The following PTPRD variants were observed in gnomAD, a reference collection of about 807,000 sequenced individuals.
PTPRD encodes the protein protein tyrosine phosphatase receptor type D, also known as receptor-type tyrosine-protein phosphatase delta.
In PTPRD, 34 loss-of-function variants were observed where a neutral mutation model predicts 214.5. That is an observed-to-expected ratio of 0.16 (90% confidence interval 0.12 to 0.21). The LOEUF is 0.21. Ranked by LOEUF, PTPRD falls within the 10% of genes least tolerant of loss-of-function variation. The probability of loss-of-function intolerance (pLI) is 1.00; values close to 1 mark genes in which losing one functional copy is unlikely to be tolerated. For missense variants in PTPRD, 2,545 were observed against 2,398.7 expected, an observed-to-expected ratio of 1.06 and a Z score of -1.27; for synonymous variants, 1,128 against 845.7, an observed-to-expected ratio of 1.33 and a Z score of -5.79.
chr9:9,552,158 C>G (rs892749688), intron 8 of PTPRD, among the ~76,000 whole-genome samples: 1 of 151,926 alleles, frequency 6.6e-6, no homozygotes, highest in South Asian at 2.1e-4. Context: ...AATAAAGAAA[C>G]AAAGGCTCAG....
intron 3 of PTPRD, among the ~76,000 whole-genome samples, chr9:10,215,149 TGAAACAG>T (rs2099535571): frequency 6.6e-6 from 1 of 151,836 alleles, no homozygotes; most frequent in Non-Finnish European, 1.5e-5. Flanking sequence ...ACAAAAATTA[TGAAACAG>T]ATGAGAAAAT....
chr9:9,281,169 T>C (rs62535763), intron 9 of PTPRD, among the ~76,000 whole-genome samples: 19,850 of 151,048 alleles, frequency 0.13, 1,659 homozygotes, highest in Middle Eastern at 0.21. Flanking sequence ...GAAAATAACA[T>C]AGGAGAAAAT....
chr9:9,208,805 A>G (rs927813475), intron 9 of PTPRD, among the ~76,000 whole-genome samples: 3 of 151,798 alleles, frequency 2.0e-5, no homozygotes, highest in Non-Finnish European at 2.9e-5. Flanking sequence ...GAGACAATAT[A>G]ACTCTTTTTT....
chr9:9,816,920 T>C (rs555135001), intron 5 of PTPRD, among the ~76,000 whole-genome samples: 2,769 of 152,098 alleles, frequency 0.018, 80 homozygotes, highest in African/African-American at 0.064. Flanking sequence ...GAAAAAAAAG[T>C]TTGTTTTTTC....
intron 11 of PTPRD, among the ~76,000 whole-genome samples, chr9:8,977,665 AT>A (rs34223430): frequency 0.22 from 30,577 of 141,444 alleles, 3,680 homozygotes; most frequent in East Asian, 0.48. Context: ...AACAAGGAGA[AT>A]TTTTTTTTTT....
chr9:10,160,674 G>A (rs1444691662), intron 3 of PTPRD, among the ~76,000 whole-genome samples: 2 of 151,768 alleles, frequency 1.3e-5, no homozygotes, highest in Non-Finnish European at 3.0e-5. Context: ...ACAAAACAAG[G>A]ATACTCATTT....
At chr9:9,165,168 T>C (rs1195461610) in intron 10 of PTPRD, among the ~76,000 whole-genome samples, 1 of 152,214 alleles carries the variant, frequency 6.6e-6, no homozygotes, top group Non-Finnish European at 1.5e-5. Context: ...ATGCTTAGAT[T>C]ATAGATGTGA....
At chr9:10,399,504 G>A (rs1392055914) in intron 2 of PTPRD, among the ~76,000 whole-genome samples, 4 of 151,908 alleles carry the variant, frequency 2.6e-5, no homozygotes, top group Non-Finnish European at 5.9e-5. Flanking sequence ...TGTAGATGCT[G>A]AAAATATAAA....
chr9:8,944,271 G>A (rs1041922098), intron 11 of PTPRD, among the ~76,000 whole-genome samples: 2 of 152,092 alleles, frequency 1.3e-5, no homozygotes, highest in Non-Finnish European at 2.9e-5. Flanking sequence ...GCGAGGATGT[G>A]GAGAAAGGGG....
intron 14 of PTPRD, among the ~76,000 whole-genome samples, chr9:8,558,598 G>C (rs1219925276): frequency 1.3e-5 from 2 of 152,166 alleles, no homozygotes; most frequent in Non-Finnish European, 2.9e-5. Flanking sequence ...CGTATTAACA[G>C]TTTACATGGC....
chr9:10,072,587 C>T (rs1219462696), intron 3 of PTPRD, among the ~76,000 whole-genome samples: 3 of 152,062 alleles, frequency 2.0e-5, no homozygotes, highest in Non-Finnish European at 4.4e-5. Context: ...TTTGTCCCCT[C>T]CCATGTTCCA....
chr9:8,613,763 G>C (rs530502777), intron 14 of PTPRD, among the ~76,000 whole-genome samples: 1 of 152,220 alleles, frequency 6.6e-6, no homozygotes, highest in South Asian at 2.1e-4. Context: ...CTACATGACA[G>C]TCCACAGAGG....
intron 10 of PTPRD, among the ~76,000 whole-genome samples, chr9:9,086,367 C>A (rs2099767040): frequency 6.6e-6 from 1 of 152,108 alleles, no homozygotes; most frequent in East Asian, 1.9e-4. Flanking sequence ...TGTGTCATGC[C>A]ACACTTTGGG....
At chr9:8,355,221 C>G (rs2076674208) in intron 39 of PTPRD, among the ~76,000 whole-genome samples, 2 of 152,152 alleles carry the variant, frequency 1.3e-5, no homozygotes, top group African/African-American at 4.8e-5. Flanking sequence ...CTTTTGCCAT[C>G]TGATACACTG....
chr9:9,697,551 C>CA (rs368142662), intron 7 of PTPRD, among the ~76,000 whole-genome samples: 1 of 151,814 alleles, frequency 6.6e-6, no homozygotes, highest in Non-Finnish European at 1.5e-5. Flanking sequence ...AGTCTGTTGC[C>CA]AAAAAAATTG....
chr9:10,103,393 ATT>A lies in PTPRD; in HGVS notation c.-544-69605_-544-69604del, dbSNP rs1491301125. Among the ~76,000 whole-genome samples, 36 of 122,506 alleles carry A rather than the reference ATT, an allele frequency of 2.9e-4. 1 individual carries two copies. The highest frequency in any genetic ancestry group is 2.0e-3 in the Admixed American group (21 of 10,554). 80.4% of individuals were successfully genotyped at this position (122,506 alleles called of 152,430 possible). ...AACTGCATATTATATATATATATAT[ATT>A]TATTTAAGAGCATTGCAGTAAGAAA... On this transcript the variant is annotated intron_variant, in intron 3 of 45. Coordinates refer to ENST00000381196, the MANE Select transcript of PTPRD (RefSeq NM_002839.4).
At chr9:8,463,283 T>C (rs2096464342) in intron 32 of PTPRD, among the ~76,000 whole-genome samples, 1 of 111,048 alleles carries the variant, frequency 9.0e-6, no homozygotes. Context: ...ACTCAGTATA[T>C]ATGTCCAAGC....
At chr9:9,224,852 G>A (rs13440449) in intron 9 of PTPRD, among the ~76,000 whole-genome samples, 20,825 of 151,858 alleles carry the variant, frequency 0.14, 1,606 homozygotes, top group Non-Finnish European at 0.17. Flanking sequence ...AAAGATACAT[G>A]GGATTCAAAT....
At chr9:8,930,112 C>T (rs931028324) in intron 11 of PTPRD, among the ~76,000 whole-genome samples, 2 of 149,568 alleles carry the variant, frequency 1.3e-5, no homozygotes, top group Admixed American at 1.3e-4. Context: ...CCTCCCACCC[C>T]CCCCCACACC....
Sources: gnomAD v4.1 joint callset for allele counts (sites outside exome capture counted in the v4.1 genomes callset) on GRCh38, gnomAD v4.1.1 for gene constraint, MANE v1.5 for transcripts, NCBI Gene and HGNC (gene_info 2026-07-23, HGNC 2026-07-21) for gene names.